ARL15: variants seen among roughly 807,000 people sequenced by gnomAD.
ARL15 encodes ARF like GTPase 15, also known as ADP-ribosylation factor-like protein 15.
ARL15 carries 19 observed loss-of-function variants against 25.2 expected under a neutral mutation model. That is an observed-to-expected ratio of 0.75 (90% CI 0.53 to 1.10). ARL15 has a LOEUF of 1.10. Among genes scored for constraint, ARL15 ranks in the 50% least tolerant of loss-of-function variants. The probability of loss-of-function intolerance (pLI) is 0.00; values close to 1 mark genes in which losing one functional copy is unlikely to be tolerated. For synonymous variants in ARL15, 94 were observed against 86.8 expected (o/e 1.08, Z -0.46); for missense variants, 220 against 246.0 (o/e 0.89, Z 0.71).
At chr5:54,127,348 ATCACAAGCAT>A (rs895963094) in intron 3 of ARL15, among the ~76,000 whole-genome samples, 9 of 152,204 alleles carry the variant, frequency 5.9e-5, no homozygotes, top group South Asian at 4.1e-4. Flanking sequence ...ATACGCAAAA[ATCACAAGCAT>A]TCTTATACAC....
chr5:53,952,342 T>A (rs1264661108), intron 4 of ARL15, among the ~76,000 whole-genome samples: 1 of 152,216 alleles, frequency 6.6e-6, no homozygotes, highest in African/African-American at 2.4e-5. Flanking sequence ...TTTTTATGTT[T>A]AAACTTTTTA....
chr5:54,016,547 G>A (rs1463870496), intron 4 of ARL15, among the ~76,000 whole-genome samples: 1 of 152,164 alleles, frequency 6.6e-6, no homozygotes, highest in Non-Finnish European at 1.5e-5. Flanking sequence ...CACAAGTTAT[G>A]TAGCCTTTCT....
chr5:54,052,312 T>C (rs1390577583), intron 4 of ARL15, among the ~76,000 whole-genome samples: 11 of 152,140 alleles, frequency 7.2e-5, no homozygotes, highest in Admixed American at 7.2e-4. Context: ...CGGGGAAGCC[T>C]AGCATGAAAT....
chr5:54,154,584 A>G lies in ARL15; in HGVS notation c.249T>C (p.Leu83=). Residue 83 remains leucine, a synonymous_variant, in exon 3 of 5, where the codon CTT becomes CTC. Transcript: ENST00000504924. ...AAATGATTTGAAATGTTATACCTCC[A>G]AGTTCTTTTACATTCAAGATGGCAT... The part of the protein sequence containing the change: ...FQNAILNVKE[L]GGADNIRKYW... The G allele has an allele frequency of 2.6e-6, 4 of 1,525,688 alleles. No individual in the cohort carries two copies. The highest frequency in any genetic ancestry group is 2.6e-6 in the Non-Finnish European group (3 of 1,136,852). 94.5% of individuals were successfully genotyped at this position (1,525,688 alleles called of 1,614,324 possible). A position where few individuals can be genotyped will look rare whatever the true frequency, so the allele number is the denominator to read the frequency against.
intron 4 of ARL15, among the ~76,000 whole-genome samples, chr5:54,033,557 AGCTACTCAGGAG>A (rs962029743): frequency 1.3e-5 from 2 of 150,868 alleles, no homozygotes; most frequent in African/African-American, 4.9e-5. Flanking sequence ...CTATAATCCT[AGCTACTCAGGAG>A]GCTGAGGCAG....
At chr5:54,010,014 G>T (rs1336490519) in intron 4 of ARL15, among the ~76,000 whole-genome samples, 2 of 152,108 alleles carry the variant, frequency 1.3e-5, no homozygotes, top group Admixed American at 6.5e-5. Context: ...GAAAGGAGGA[G>T]ATTAAGACCA....
At chr5:53,927,092 G>C (rs1047732822) in intron 4 of ARL15, among the ~76,000 whole-genome samples, 1 of 152,024 alleles carries the variant, frequency 6.6e-6, no homozygotes, top group South Asian at 2.1e-4. Flanking sequence ...GTGGCATTAA[G>C]TACACTCACA....
At chr5:54,084,093 G>T (rs1027872575) in intron 4 of ARL15, among the ~76,000 whole-genome samples, 2 of 152,186 alleles carry the variant, frequency 1.3e-5, no homozygotes, top group African/African-American at 4.8e-5. Flanking sequence ...AAACCAGGAA[G>T]TCTTCCAGGA....
intron 4 of ARL15, among the ~76,000 whole-genome samples, chr5:53,965,419 T>C (rs746300890): frequency 6.6e-6 from 1 of 152,220 alleles, no homozygotes; most frequent in Non-Finnish European, 1.5e-5. Context: ...CTGAAACTGA[T>C]TGACAACAGT....
intron 4 of ARL15, among the ~76,000 whole-genome samples, chr5:54,029,428 G>GCTGTA (rs1307303124): frequency 7.4e-6 from 1 of 134,796 alleles, no homozygotes; most frequent in Non-Finnish European, 1.5e-5. Flanking sequence ...CTCTCAAAGA[G>GCTGTA]TTTACAATCT....
chr5:53,999,607 A>AAAAT (rs980106122), intron 4 of ARL15, among the ~76,000 whole-genome samples: 1 of 151,454 alleles, frequency 6.6e-6, no homozygotes, highest in South Asian at 2.1e-4. Flanking sequence ...AATAAAAATA[A>AAAAT]AAATAAATAA....
At chr5:54,300,292 C>CT (rs1758583095) in intron 1 of ARL15, among the ~76,000 whole-genome samples, 1 of 152,206 alleles carries the variant, frequency 6.6e-6, no homozygotes, top group Non-Finnish European at 1.5e-5. Flanking sequence ...CTCTGTAAGC[C>CT]TTCGGCCTCA....
At chr5:54,031,871 T>C (rs944687956) in intron 4 of ARL15, among the ~76,000 whole-genome samples, 17 of 152,214 alleles carry the variant, frequency 1.1e-4, no homozygotes, top group Admixed American at 3.3e-4. Flanking sequence ...AAAGTTTTTC[T>C]TGGGCTCGTT....
At chr5:54,155,680 T>TCTCACA (rs1554044086) in intron 2 of ARL15, among the ~76,000 whole-genome samples, 4 of 149,940 alleles carry the variant, frequency 2.7e-5, no homozygotes, top group African/African-American at 9.8e-5. Flanking sequence ...ATATACCCAT[T>TCTCACA]CACACACACA....
chr5:54,264,835 A>G (rs1157261435), intron 1 of ARL15, among the ~76,000 whole-genome samples: 2 of 152,080 alleles, frequency 1.3e-5, no homozygotes, highest in Non-Finnish European at 2.9e-5. Context: ...CTATATACTC[A>G]CAACCCCTTT....
intron 1 of ARL15, among the ~76,000 whole-genome samples, chr5:54,266,991 A>C (rs1343402147): frequency 6.6e-6 from 1 of 152,248 alleles, no homozygotes; most frequent in African/African-American, 2.4e-5. Flanking sequence ...CAAAGATTTT[A>C]GGCAGCAGAA....
intron 1 of ARL15, among the ~76,000 whole-genome samples, chr5:54,203,364 C>T (rs796177573): frequency 5.3e-5 from 8 of 152,278 alleles, no homozygotes; most frequent in South Asian, 2.1e-4. Flanking sequence ...TATAGCATAT[C>T]GCCAAGAATA....
intron 4 of ARL15, among the ~76,000 whole-genome samples, chr5:54,064,387 G>A (rs1751154423): frequency 6.6e-6 from 1 of 152,178 alleles, no homozygotes; most frequent in Non-Finnish European, 1.5e-5. Context: ...AGTGCTTTCA[G>A]CATAGTAGGG....
intron 4 of ARL15, among the ~76,000 whole-genome samples, chr5:54,045,585 G>A (rs1750480165): frequency 1.4e-5 from 2 of 141,852 alleles, no homozygotes; most frequent in Admixed American, 7.1e-5. Context: ...AAACAAGTTA[G>A]AAATCAAGAA....
Sources: allele counts gnomAD v4.1 joint callset (sites outside exome capture counted in the v4.1 genomes callset), GRCh38; gene constraint gnomAD v4.1.1; transcripts MANE v1.5; gene names NCBI Gene and HGNC (gene_info 2026-07-23, HGNC 2026-07-21).